The following SMYD3 variants were observed in gnomAD, a reference collection of about 807,000 sequenced individuals.
SMYD3 encodes the protein SET and MYND domain containing 3, also known as histone-lysine N-methyltransferase SMYD3.
Under a neutral mutation model 57.7 loss-of-function variants are expected in SMYD3, and 36 were observed. That is an observed-to-expected ratio of 0.62 (90% CI 0.48 to 0.82). SMYD3 has a LOEUF of 0.82. SMYD3 is among the 40% of genes least tolerant of loss of function. SMYD3 has a pLI of 0.00. For missense variants in SMYD3, 515 were observed against 538.8 expected, an observed-to-expected ratio of 0.96 and a Z score of 0.44; for synonymous variants, 211 against 195.0, an observed-to-expected ratio of 1.08 and a Z score of -0.68.
intron 1 of SMYD3, among the ~76,000 whole-genome samples, chr1:246,487,510 T>C (rs1305637980): frequency 2.0e-5 from 3 of 151,620 alleles, no homozygotes; most frequent in Admixed American, 2.0e-4. Context: ...AAAGATACAA[T>C]GTTCTGAGTA....
At chr1:246,374,835 G>C (rs1324959413) in intron 1 of SMYD3, among the ~76,000 whole-genome samples, 2 of 145,300 alleles carry the variant, frequency 1.4e-5, no homozygotes, top group African/African-American at 5.2e-5. Flanking sequence ...GCTCACGTCT[G>C]TTATCCCAGC....
At chr1:246,244,606 G>T (rs530803311) in intron 5 of SMYD3, among the ~76,000 whole-genome samples, 1 of 152,298 alleles carries the variant, frequency 6.6e-6, no homozygotes, top group South Asian at 2.1e-4. Context: ...AGTGAAAGAT[G>T]CTATGTCAGT....
At chr1:246,174,934 C>A (rs571399658) in intron 5 of SMYD3, among the ~76,000 whole-genome samples, 85 of 152,286 alleles carry the variant, frequency 5.6e-4, no homozygotes, top group African/African-American at 2.0e-3. Flanking sequence ...TAAAATATTA[C>A]AATACTTTCT....
chr1:246,238,582 T>C (rs1192617981), intron 5 of SMYD3, among the ~76,000 whole-genome samples: 1 of 152,182 alleles, frequency 6.6e-6, no homozygotes, highest in Admixed American at 6.5e-5. Flanking sequence ...TGCAATCTTA[T>C]GCCATTCAAC....
intron 8 of SMYD3, among the ~76,000 whole-genome samples, chr1:245,906,230 T>C (rs1370587836): frequency 6.6e-6 from 1 of 152,032 alleles, no homozygotes; most frequent in Non-Finnish European, 1.5e-5. Flanking sequence ...GAGAAAATAT[T>C]TGCAAGCTAC....
intron 5 of SMYD3, 59 bp downstream of exon 5, chr1:246,327,142 C>T: frequency 1.2e-6 from 2 of 1,605,326 alleles, no homozygotes; most frequent in African/African-American, 2.7e-5. Context: ...TAACTAACAA[C>T]AAAATAAGGA....
At chr1:246,126,551 G>T (rs4654209) in intron 5 of SMYD3, among the ~76,000 whole-genome samples, 119,239 of 152,144 alleles carry the variant, frequency 0.78, 46,923 homozygotes, top group Admixed American at 0.86. Context: ...GTTCATCATT[G>T]TGAAAAATCA....
At chr1:245,999,837 G>C (rs78141311) in intron 5 of SMYD3, among the ~76,000 whole-genome samples, 2 of 152,138 alleles carry the variant, frequency 1.3e-5, no homozygotes, top group African/African-American at 4.8e-5. Flanking sequence ...CACGGAACTC[G>C]AGGTTATAAA....
intron 10 of SMYD3, among the ~76,000 whole-genome samples, chr1:245,810,315 C>T (rs1157887237): frequency 2.0e-5 from 3 of 152,210 alleles, no homozygotes; most frequent in Non-Finnish European, 4.4e-5. Context: ...GCTCACTGTA[C>T]AGCAATTTGT....
intron 5 of SMYD3, among the ~76,000 whole-genome samples, chr1:245,978,879 T>G (rs527490341): frequency 6.6e-5 from 10 of 152,238 alleles, no homozygotes; most frequent in Admixed American, 2.6e-4. Context: ...TCCACCTTAT[T>G]GATAATGAAT....
intron 5 of SMYD3, among the ~76,000 whole-genome samples, chr1:246,074,913 T>TACACAC (rs60103366): frequency 0.022 from 3,256 of 148,426 alleles, 123 homozygotes; most frequent in African/African-American, 0.075. Context: ...GCTAAAGCAA[T>TACACAC]ACACACACAC....
chr1:246,335,784 G>T (rs537874033), intron 2 of SMYD3, among the ~76,000 whole-genome samples: 94 of 152,224 alleles, frequency 6.2e-4, no homozygotes, highest in African/African-American at 2.1e-3. Flanking sequence ...GTATAAGATG[G>T]TCTTGGAACT....
intron 1 of SMYD3, among the ~76,000 whole-genome samples, chr1:246,489,896 C>T (rs1373982388): frequency 1.3e-5 from 2 of 151,946 alleles, no homozygotes; most frequent in Non-Finnish European, 2.9e-5. Flanking sequence ...GACAAAATCA[C>T]AGCTCATAGC....
intron 1 of SMYD3, among the ~76,000 whole-genome samples, chr1:246,422,013 A>G (rs921867158): frequency 1.3e-5 from 2 of 152,214 alleles, no homozygotes; most frequent in African/African-American, 2.4e-5. Flanking sequence ...TCTCACAGAT[A>G]CAACCAAAAG....
rs182119942 is a variant in SMYD3, at chr1:245,951,293, C to A, written c.532-21356G>T. Among the ~76,000 whole-genome samples the A allele has an allele frequency of 7.1e-4, 108 of 151,780 alleles. 1 individual carries two copies. The Middle Eastern group carries it at 0.014, about 19-fold the overall frequency. The stretch of plus-strand genomic sequence containing the variant: ...CTTTACCGCGATGCACAGTACACGT[C>A]AGATCTCTTGAAAATACTCGTCGTG... On this transcript the variant is annotated intron_variant, in intron 5 of 11. Coordinates refer to ENST00000490107, the MANE Select transcript of SMYD3 (RefSeq NM_001167740.2).
intron 10 of SMYD3, among the ~76,000 whole-genome samples, chr1:245,830,776 C>T (rs777875495): frequency 2.0e-5 from 3 of 152,182 alleles, no homozygotes; most frequent in Non-Finnish European, 4.4e-5. Flanking sequence ...TGAAGATTCA[C>T]TAAAATCTCA....
intron 1 of SMYD3, among the ~76,000 whole-genome samples, chr1:246,363,039 A>G (rs928081305): frequency 8.0e-6 from 1 of 124,796 alleles, no homozygotes; most frequent in Non-Finnish European, 1.7e-5. Context: ...CCGGCCGCCC[A>G]TCGTCTGAGA....
intron 8 of SMYD3, among the ~76,000 whole-genome samples, chr1:245,901,786 C>G (rs1053767301): frequency 6.6e-6 from 1 of 152,198 alleles, no homozygotes; most frequent in African/African-American, 2.4e-5. Flanking sequence ...GCAGTCTCAG[C>G]CGGGATTGGC....
chr1:245,985,622 C>G (rs1288105810), intron 5 of SMYD3, among the ~76,000 whole-genome samples: 2 of 152,198 alleles, frequency 1.3e-5, no homozygotes, highest in Non-Finnish European at 2.9e-5. Flanking sequence ...GTTGCTCCAA[C>G]TTCGGTCAAC....
Sources: gnomAD v4.1 joint callset for allele counts (sites outside exome capture counted in the v4.1 genomes callset) on GRCh38, gnomAD v4.1.1 for gene constraint, MANE v1.5 for transcripts, NCBI Gene and HGNC (gene_info 2026-07-23, HGNC 2026-07-21) for gene names.